HMGXB3: variants seen among roughly 807,000 people sequenced by gnomAD.
The protein encoded by HMGXB3 is HMG-box containing 3.
HMGXB3 carries 45 observed loss-of-function variants against 121.5 expected under a neutral mutation model. That is an observed-to-expected ratio of 0.37 (90% confidence interval 0.29 to 0.47). The LOEUF (loss-of-function observed/expected upper bound fraction) is 0.47. Among genes scored for constraint, HMGXB3 ranks in the 20% least tolerant of loss-of-function variants. The probability of loss-of-function intolerance (pLI) is 0.99; values close to 1 mark genes in which losing one functional copy is unlikely to be tolerated. For missense variants in HMGXB3, 1,376 were observed against 1,602.2 expected (o/e 0.86, Z 2.41); for synonymous variants, 590 against 624.1 (o/e 0.95, Z 0.81).
intron 5 of HMGXB3, among the ~76,000 whole-genome samples, chr5:150,013,162 C>G (rs1351822101): frequency 6.6e-6 from 1 of 152,128 alleles, no homozygotes; most frequent in Non-Finnish European, 1.5e-5. Context: ...TTGTCTTGTC[C>G]TCATGTAAGG....
At chr5:150,048,730 T>G in intron 18 of HMGXB3, 45 bp downstream of exon 18, 5 of 1,336,764 alleles carry the variant, frequency 3.7e-6, no homozygotes, top group Non-Finnish European at 5.3e-6. Flanking sequence ...TTGCTAATGT[T>G]GAACTTCCCA....
intron 18 of HMGXB3, among the ~76,000 whole-genome samples, chr5:150,049,118 T>C (rs867240503): frequency 3.9e-5 from 6 of 152,210 alleles, no homozygotes; most frequent in Middle Eastern, 3.4e-3. Context: ...GAGGAGCCCA[T>C]TGGTAAGCCA....
At chr5:150,036,505 T>C (rs936913292) in intron 11 of HMGXB3, 131 bp from the exon 12 acceptor site, 7 of 733,154 alleles carry the variant, frequency 9.5e-6, no homozygotes, top group Non-Finnish European at 1.3e-5. Context: ...GCTGAGCTGG[T>C]TAGGAACCTA....
intron 18 of HMGXB3, 43 bp downstream of exon 18, chr5:150,048,728 G>A (rs2255861): frequency 1.5e-6 from 2 of 1,359,528 alleles, no homozygotes; most frequent in Admixed American, 3.9e-5. Context: ...ATTTGCTAAT[G>A]TTGAACTTCC....
At position 150,052,488 on chromosome 5, in the gene HMGXB3, GT is replaced by G. The variant is rs1290907595; in HGVS notation, c.*298del. On this transcript the variant is annotated 3_prime_UTR_variant, in exon 20 of 20. Coordinates refer to ENST00000502717, the MANE Select transcript of HMGXB3 (RefSeq NM_014983.3). ...TGAGGGAAAGGCTCGTAGCTGGTGGGTTCCGTGGGGCCTGCGGTGTGGGTCA... is the reference window on the plus strand; with the variant it reads ...TGAGGGAAAGGCTCGTAGCTGGTGGGTCCGTGGGGCCTGCGGTGTGGGTCA... 1 of 371,540 alleles carries G rather than the reference GT, an allele frequency of 2.7e-6. No homozygotes were observed. The highest frequency in any genetic ancestry group is 2.0e-5 in the African/African-American group (1 of 49,448). The allele number at this position is 371,540 out of a possible 1,614,324, so 23.0% of individuals were successfully genotyped here.
chr5:150,004,813 G>T (rs1304784884), intron 1 of HMGXB3, 38 bp from the exon 2 acceptor site: 1 of 1,444,992 alleles, frequency 6.9e-7, no homozygotes, highest in South Asian at 1.3e-5. Flanking sequence ...TCTTAGGGGA[G>T]ATTCTGGAAA....
intron 3 of HMGXB3, among the ~76,000 whole-genome samples, chr5:150,009,472 T>C (rs994585918): frequency 5.9e-5 from 9 of 152,186 alleles, no homozygotes; most frequent in African/African-American, 2.2e-4. Context: ...CATAACCCCT[T>C]CTATATATAC....
chr5:150,008,426 C>T (rs1487737060), intron 3 of HMGXB3, among the ~76,000 whole-genome samples: 1 of 152,162 alleles, frequency 6.6e-6, no homozygotes, highest in Admixed American at 6.5e-5. Flanking sequence ...CTTGATAATA[C>T]TGACATAATA....
At chr5:150,007,809 C>T (rs1468048282) in intron 3 of HMGXB3, among the ~76,000 whole-genome samples, 2 of 152,068 alleles carry the variant, frequency 1.3e-5, no homozygotes, top group Admixed American at 1.3e-4. Flanking sequence ...AATCCCAGCA[C>T]TTTAGGAGGC....
rs1212159510 is a variant in HMGXB3, at chr5:150,037,511, C to T, written c.2397C>T (p.Phe799=). ...LNPHCLALHS[F]IDIYTGLFNV... ...CCCATTGTCTGGCCCTGCACAGCTT[C>T]ATAGACATCTACACAGGTGGGTGCC... Residue 799 remains phenylalanine, a synonymous_variant, in exon 13 of 20, where the codon TTC becomes TTT. Coordinates refer to ENST00000502717, the MANE Select transcript of HMGXB3 (RefSeq NM_014983.3). The T allele has an allele frequency of 6.5e-7, 1 of 1,547,632 alleles. No individual in the cohort carries two copies. Among genetic ancestry groups the T allele is most frequent in the Non-Finnish European group, 8.7e-7 (1 of 1,144,442 alleles).
chr5:150,023,909 A>AC lies in HMGXB3; in HGVS notation c.1042-350dup, dbSNP rs532737661. Among the ~76,000 whole-genome samples the AC allele has an allele frequency of 2.6e-5, 4 of 152,368 alleles. No individual in the cohort carries two copies. The East Asian group carries it at 7.7e-4, about 29-fold the overall frequency. The stretch of plus-strand genomic sequence containing the variant: ...TTTAGGCCCTGTATGGCAGTATGTC[A>AC]CCCTCTTTCTAGACACACAGAAGTA... On this transcript the variant is annotated intron_variant, in intron 6 of 19. Coordinates refer to ENST00000502717, the MANE Select transcript of HMGXB3 (RefSeq NM_014983.3).
At chr5:150,032,264 A>T (rs1756397622) in intron 10 of HMGXB3, among the ~76,000 whole-genome samples, 190 bp from the exon 11 acceptor site, 2 of 152,250 alleles carry the variant, frequency 1.3e-5, no homozygotes, top group South Asian at 4.1e-4. Flanking sequence ...ATTTGCCAAA[A>T]ATTTACAGCC....
intron 5 of HMGXB3, among the ~76,000 whole-genome samples, chr5:150,014,172 T>C (rs1755908333): frequency 6.6e-6 from 1 of 152,220 alleles, no homozygotes; most frequent in Non-Finnish European, 1.5e-5. Flanking sequence ...TACTAACGGA[T>C]ACTACCAGAG....
intron 15 of HMGXB3, 64 bp downstream of exon 15, chr5:150,042,033 T>C (rs2113758380): frequency 2.2e-6 from 3 of 1,353,232 alleles, no homozygotes; most frequent in Non-Finnish European, 3.1e-6. Flanking sequence ...CCTCCCTTCC[T>C]ATATGATATC....
intron 11 of HMGXB3, 22 bp from the exon 12 acceptor site, chr5:150,036,614 G>A (rs967633688): frequency 5.3e-6 from 8 of 1,511,022 alleles, no homozygotes; most frequent in Non-Finnish European, 7.1e-6. Flanking sequence ...AGTGCTTGGT[G>A]ATCAATCCAC....
intron 5 of HMGXB3, chr5:150,014,804 C>G (rs1755923746): frequency 2.3e-6 from 1 of 427,984 alleles, no homozygotes; most frequent in Non-Finnish European, 4.2e-6. Context: ...CAATATTTAA[C>G]TTGGGAGGTG....
intron 17 of HMGXB3, 28 bp downstream of exon 17, chr5:150,047,785 C>T (rs999143757): frequency 3.2e-5 from 49 of 1,551,064 alleles, no homozygotes; most frequent in Middle Eastern, 1.7e-4. Flanking sequence ...TGGTGGATAT[C>T]GGGGCTTCTG....
At chr5:150,030,373 T>A (rs561310303) in intron 9 of HMGXB3, 10 of 172,400 alleles carry the variant, frequency 5.8e-5, no homozygotes, top group African/African-American at 2.4e-4. Flanking sequence ...GATTGTCCTC[T>A]TACCCTGTGA....
intron 4 of HMGXB3, 43 bp downstream of exon 4, chr5:150,010,651 TA>T: frequency 2.6e-6 from 4 of 1,516,442 alleles, no homozygotes; most frequent in Non-Finnish European, 3.5e-6. Context: ...TGTCTGGAGT[TA>T]CTTAAAGGGC....
Sources: allele counts gnomAD v4.1 joint callset (sites outside exome capture counted in the v4.1 genomes callset), GRCh38; gene constraint gnomAD v4.1.1; transcripts MANE v1.5; gene names NCBI Gene and HGNC (gene_info 2026-07-23, HGNC 2026-07-21).